ABCC4: variants seen among roughly 807,000 people sequenced by gnomAD.
ABCC4 encodes ATP-binding cassette sub-family C member 4.
A neutral mutation model predicts 168.5 loss-of-function variants in ABCC4; 102 were observed. That is an observed-to-expected ratio of 0.61 (90% CI 0.52 to 0.71). The LOEUF (loss-of-function observed/expected upper bound fraction) is 0.71, where lower values mean the gene tolerates loss of function less well. ABCC4 is among the 30% of genes least tolerant of loss of function. ABCC4 has a pLI of 0.00. For missense variants in ABCC4, 1,402 were observed against 1,605.8 expected, an observed-to-expected ratio of 0.87 and a Z score of 2.17; for synonymous variants, 617 against 590.7, an observed-to-expected ratio of 1.04 and a Z score of -0.65.
At chr13:95,036,084 A>G (rs1237755654) in intron 29 of ABCC4, among the ~76,000 whole-genome samples, 1 of 152,200 alleles carries the variant, frequency 6.6e-6, no homozygotes, top group Admixed American at 6.5e-5. Flanking sequence ...TTGGCATGCC[A>G]ATTTAGATAC....
intron 19 of ABCC4, among the ~76,000 whole-genome samples, chr13:95,141,487 G>C (rs2036315809): frequency 6.6e-6 from 1 of 151,328 alleles, no homozygotes; most frequent in African/African-American, 2.4e-5. Flanking sequence ...AGAGAACAAA[G>C]AATGTACCAT....
intron 19 of ABCC4, among the ~76,000 whole-genome samples, chr13:95,127,562 G>C (rs1168963305): frequency 6.6e-6 from 1 of 152,176 alleles, no homozygotes; most frequent in Admixed American, 6.5e-5. Flanking sequence ...ACAGGTGTGA[G>C]CCACCGTGCC....
intron 26 of ABCC4, chr13:95,055,933 G>C (rs2033036654): frequency 6.6e-6 from 1 of 151,760 alleles, no homozygotes; most frequent in Non-Finnish European, 1.5e-5. Context: ...CCTAAAAATG[G>C]CCGCTCTGAA....
chr13:95,112,115 G>A lies in ABCC4; in HGVS notation c.2535+3807C>T, dbSNP rs368103812. The stretch of plus-strand genomic sequence containing the variant: ...TGCCTGTAATCCCACCACTTTGGGA[G>A]GCCGAGGTGGGTGGATCACCTGAGG... On this transcript the variant is annotated intron_variant, in intron 20 of 30. Transcript: ENST00000645237. Among the ~76,000 whole-genome samples the A allele has an allele frequency of 3.3e-5, 5 of 152,298 alleles. No individual in the cohort carries two copies. The East Asian group carries it at 7.7e-4, about 24-fold the overall frequency.
intron 1 of ABCC4, among the ~76,000 whole-genome samples, chr13:95,277,866 G>A (rs1449838879): frequency 5.9e-5 from 9 of 152,148 alleles, no homozygotes; most frequent in Non-Finnish European, 1.2e-4. Context: ...GAGGGTGGCG[G>A]GGCTTCAGGT....
chr13:95,026,065 A>G (rs2031529481), intron 30 of ABCC4, among the ~76,000 whole-genome samples: 1 of 152,108 alleles, frequency 6.6e-6, no homozygotes, highest in African/African-American at 2.4e-5. Context: ...TAATGAACAT[A>G]ATGAAATCTT....
intron 19 of ABCC4, among the ~76,000 whole-genome samples, chr13:95,150,495 C>T (rs1451692085): frequency 4.6e-5 from 7 of 152,102 alleles, no homozygotes; most frequent in Admixed American, 4.6e-4. Context: ...CCCCTCCCTC[C>T]CCCTTCCCCA....
At chr13:95,075,097 T>C (rs985776824) in intron 22 of ABCC4, 8 of 252,026 alleles carry the variant, frequency 3.2e-5, no homozygotes, top group Non-Finnish European at 5.4e-5. Context: ...AGGTGATTCA[T>C]CACAACAGAG....
chr13:95,036,135 A>G lies in ABCC4; in HGVS notation c.3736-1396T>C, dbSNP rs75034327. ...TTACTTAAGCATAGCATTACAGAACATAACCACTCCTCCTGACGAGGAAGG... is the reference window on the plus strand; with the variant it reads ...TTACTTAAGCATAGCATTACAGAACGTAACCACTCCTCCTGACGAGGAAGG... On this transcript the variant is annotated intron_variant, in intron 29 of 30. Coordinates refer to ENST00000645237, the MANE Select transcript of ABCC4 (RefSeq NM_005845.5). Among the ~76,000 whole-genome samples, 6 of 152,350 alleles carry G rather than the reference A, an allele frequency of 3.9e-5. No individual in the cohort carries two copies. The East Asian group carries it at 1.2e-3, about 29-fold the overall frequency.
At chr13:95,098,307 C>T (rs1008945802) in intron 20 of ABCC4, among the ~76,000 whole-genome samples, 9 of 151,134 alleles carry the variant, frequency 6.0e-5, no homozygotes, top group African/African-American at 2.2e-4. Flanking sequence ...TCTTAAAAAG[C>T]TAAAGAAAAA....
chr13:95,045,053 A>C (rs953420502), intron 27 of ABCC4, among the ~76,000 whole-genome samples: 2 of 152,236 alleles, frequency 1.3e-5, no homozygotes, highest in Non-Finnish European at 2.9e-5. Flanking sequence ...GAAAAAAATC[A>C]TATCAGTGTC....
At chr13:95,060,992 A>G (rs1419727697) in intron 26 of ABCC4, among the ~76,000 whole-genome samples, 1 of 152,142 alleles carries the variant, frequency 6.6e-6, no homozygotes, top group Non-Finnish European at 1.5e-5. Flanking sequence ...TAGGGGAACC[A>G]TCTAGTGTCT....
intron 11 of ABCC4, among the ~76,000 whole-genome samples, chr13:95,184,254 A>T (rs2037991170): frequency 6.6e-6 from 1 of 152,190 alleles, no homozygotes. Flanking sequence ...AGACTTTCTG[A>T]TGTGGGAAGG....
At chr13:95,191,053 G>A (rs1421253187) in intron 9 of ABCC4, among the ~76,000 whole-genome samples, 5 of 152,330 alleles carry the variant, frequency 3.3e-5, no homozygotes, top group East Asian at 1.9e-4. Context: ...AGGGAAGCAC[G>A]CATGGAGTCA....
At chr13:95,096,342 C>T (rs769696250) in intron 20 of ABCC4, among the ~76,000 whole-genome samples, 104 of 152,128 alleles carry the variant, frequency 6.8e-4, no homozygotes, top group Non-Finnish European at 1.1e-3. Context: ...CTTGGAGCTA[C>T]ACCAAACAGT....
chr13:95,267,588 GA>G lies in ABCC4; in HGVS notation c.75-19836del, dbSNP rs563507186. 5.3e-5 allele frequency among the ~76,000 whole-genome samples: 8 copies of G among 152,306 alleles called. No homozygotes were observed. In the East Asian group the frequency reaches 1.5e-3, roughly 29 times the overall value. On this transcript the variant is annotated intron_variant, in intron 1 of 30. Transcript: ENST00000645237. ...GGTGGTCAAAGTAAACAGGGCCAGA[GA>G]AATGAAGAGTAAGGAGTGGAGGGGA... is the stretch of plus-strand genomic sequence containing the variant.
At chr13:95,189,055 C>T (rs1594264170) in intron 9 of ABCC4, among the ~76,000 whole-genome samples, 1 of 151,886 alleles carries the variant, frequency 6.6e-6, no homozygotes, top group South Asian at 2.1e-4. Context: ...TGCCCCCCAC[C>T]CACCGACAAG....
rs996484820 is a variant in ABCC4, at chr13:95,209,479, A to G, written c.740T>C (p.Leu247Pro). ...CCCAAAACAGCTTTGCAAGGGCAGG[A>G]GAATGATTAGAACTGCCATCCCAGC... ...CLAGMAVLII[L>P]LPLQSCFGKL... is the part of the protein sequence containing the mutation. Residue 247 changes from leucine (L) to proline (P), a missense_variant, in exon 6 of 31, where the codon CTC becomes CCC. By Grantham distance (98) the Leu-to-Pro change is moderately conservative. Around this residue, in one of 3 missense-constraint regions of ABCC4, gnomAD observed 317 missense variants for 345.5 expected, o/e 0.92. Coordinates refer to ENST00000645237, the MANE Select transcript of ABCC4 (RefSeq NM_005845.5). The G allele has an allele frequency of 6.2e-7, 1 of 1,614,108 alleles. No individual in the cohort carries two copies. The highest frequency in any genetic ancestry group is 8.5e-7 in the Non-Finnish European group (1 of 1,180,022).
intron 1 of ABCC4, among the ~76,000 whole-genome samples, chr13:95,266,964 G>A (rs922718690): frequency 8.1e-5 from 12 of 148,176 alleles, no homozygotes; most frequent in African/African-American, 2.7e-4. Context: ...CCACCTCCCA[G>A]GTTCAAGTGA....
Sources: gnomAD v4.1 joint callset for allele counts (sites outside exome capture counted in the v4.1 genomes callset) on GRCh38, gnomAD v4.1.1 for gene constraint, gnomAD v4.1.1 regional missense constraint, MANE v1.5 for transcripts, NCBI Gene and HGNC (gene_info 2026-07-23, HGNC 2026-07-21) for gene names.